The following NRXN1 variants were observed in gnomAD, a reference collection of about 807,000 sequenced individuals.
NRXN1 encodes neurexin-1.
In NRXN1, 39 loss-of-function variants were observed where a neutral mutation model predicts 150.9. That is an observed-to-expected ratio of 0.26 (90% CI 0.20 to 0.34). The LOEUF is 0.34. NRXN1 is among the 10% of genes least tolerant of loss of function. The pLI, the probability that NRXN1 is intolerant of heterozygous loss-of-function variation, is 1.00. For missense variants in NRXN1, 1,815 were observed against 1,949.9 expected (o/e 0.93, Z 1.30); for synonymous variants, 924 against 757.0 (o/e 1.22, Z -3.62).
chr2:50,156,196 G>C (rs1198250544), intron 18 of NRXN1, among the ~76,000 whole-genome samples: 1 of 151,718 alleles, frequency 6.6e-6, no homozygotes, highest in Non-Finnish European at 1.5e-5. Flanking sequence ...AAAATTAACA[G>C]TCATATAATG....
At chr2:50,396,008 A>G (rs6715879) in intron 17 of NRXN1, among the ~76,000 whole-genome samples, 2,432 of 152,282 alleles carry the variant, frequency 0.016, 64 homozygotes, top group African/African-American at 0.053. Context: ...TATCCTTACC[A>G]GTAGATTATT....
chr2:50,683,386 A>C (rs909207296), intron 5 of NRXN1, among the ~76,000 whole-genome samples: 1 of 150,984 alleles, frequency 6.6e-6, no homozygotes, highest in Admixed American at 6.6e-5. Flanking sequence ...TAATTCCAGC[A>C]CTTTGGGAGG....
chr2:50,888,344 A>G (rs1680572844), intron 5 of NRXN1, among the ~76,000 whole-genome samples: 2 of 151,632 alleles, frequency 1.3e-5, no homozygotes, highest in African/African-American at 2.4e-5. Context: ...GGTGAAATTC[A>G]GAATTTCTTC....
At position 50,497,353 on chromosome 2, in the gene NRXN1, A is replaced by C; in HGVS notation, c.2859T>G (p.Ile953Met). 1 of 1,544,146 alleles carries C rather than the reference A, an allele frequency of 6.5e-7. No homozygotes were observed. The highest frequency in any genetic ancestry group is 8.7e-7 in the Non-Finnish European group (1 of 1,145,440). ...CTCACCCTTTAACTAATTCAACCACAATAAAGTCATTTCCATCCCCACTGT... is the reference window on the plus strand; with the variant it reads ...CTCACCCTTTAACTAATTCAACCACCATAAAGTCATTTCCATCCCCACTGT... ...LYNSGDGNDF[I>M]VVELVKGYLH... The change falls in exon 14 of 23, where the codon ATT becomes ATG. Residue 953 changes from isoleucine to methionine, a missense_variant. Transcript: ENST00000401669.
intron 19 of NRXN1, among the ~76,000 whole-genome samples, chr2:50,083,419 C>T (rs1364044677): frequency 1.3e-5 from 2 of 152,172 alleles, no homozygotes; most frequent in Non-Finnish European, 2.9e-5. Context: ...AAAATGCTAA[C>T]ATGGTTGTGT....
At chr2:50,350,416 C>T (rs1043909192) in intron 17 of NRXN1, among the ~76,000 whole-genome samples, 5 of 152,086 alleles carry the variant, frequency 3.3e-5, no homozygotes, top group African/African-American at 7.2e-5. Context: ...CCTAAAATAG[C>T]GCACTTGTTT....
chr2:50,426,129 C>A (rs1040282690), intron 17 of NRXN1, among the ~76,000 whole-genome samples: 1 of 152,162 alleles, frequency 6.6e-6, no homozygotes, highest in Non-Finnish European at 1.5e-5. Flanking sequence ...ACTGACCTTG[C>A]CTTTTTGATC....
chr2:50,760,623 C>A (rs1294134502), intron 5 of NRXN1, among the ~76,000 whole-genome samples: 1 of 151,692 alleles, frequency 6.6e-6, no homozygotes, highest in Non-Finnish European at 1.5e-5. Context: ...ATTCCTATAA[C>A]CAATCATTTT....
rs537237420 is a variant in NRXN1 at position 50,958,979 on chromosome 2, G to A, written c.773-33024C>T. ...TGTGGTATCATTTTTAGATTTTGTC[G>A]TAGTGTCTTTGCTAAATTTTTCTTC... On this transcript the variant is annotated intron_variant, in intron 2 of 22. Coordinates refer to ENST00000401669, the MANE Select transcript of NRXN1 (RefSeq NM_001330078.2). 8.9e-4 allele frequency among the ~76,000 whole-genome samples: 136 copies of A among 152,038 alleles called. 2 individuals carry two copies. The Middle Eastern group carries it at 0.01, about 11-fold the overall frequency.
intron 8 of NRXN1, among the ~76,000 whole-genome samples, chr2:50,586,670 A>G (rs543589841): frequency 2.6e-5 from 4 of 152,290 alleles, no homozygotes; most frequent in African/African-American, 9.6e-5. Context: ...ATTTTCCATT[A>G]AACTCAAGCC....
chr2:50,478,431 T>A (rs567692093), intron 15 of NRXN1, among the ~76,000 whole-genome samples: 5 of 152,130 alleles, frequency 3.3e-5, no homozygotes, highest in Non-Finnish European at 7.4e-5. Flanking sequence ...GGAAATCAAA[T>A]GGGCAATTCA....
chr2:50,545,318 G>T (rs1264619084), intron 9 of NRXN1, among the ~76,000 whole-genome samples: 1 of 152,086 alleles, frequency 6.6e-6, no homozygotes, highest in Non-Finnish European at 1.5e-5. Flanking sequence ...ACAATGGAAG[G>T]TTGTAAATAT....
intron 5 of NRXN1, among the ~76,000 whole-genome samples, chr2:50,742,024 C>T (rs183642729): frequency 5.3e-4 from 80 of 151,768 alleles, no homozygotes; most frequent in Admixed American, 2.6e-3. Flanking sequence ...TAACTCACAA[C>T]CACAAAAAAT....
chr2:50,068,758 A>T (rs928883370), intron 19 of NRXN1, among the ~76,000 whole-genome samples: 4 of 152,238 alleles, frequency 2.6e-5, no homozygotes, highest in African/African-American at 7.2e-5. Flanking sequence ...GAATGTGTAC[A>T]TCACAAAAAA....
intron 18 of NRXN1, among the ~76,000 whole-genome samples, chr2:50,203,964 T>C (rs2062376533): frequency 6.6e-6 from 1 of 152,140 alleles, no homozygotes; most frequent in South Asian, 2.1e-4. Context: ...GAGAAAAATT[T>C]AACGCCAATA....
Position 51,027,819 on chromosome 2 carries a change from C to T in NRXN1, c.455G>A (p.Gly152Asp). 1.9e-6 allele frequency: 3 copies of T among 1,613,394 alleles called. No homozygotes were observed. The East Asian group carries it at 6.7e-5, about 36-fold the overall frequency. The change falls in exon 2 of 23, where the codon GGC becomes GAC. Residue 152 changes from glycine to aspartate, a missense_variant. Gly to Asp is a moderately conservative substitution (Grantham distance 94). This residue lies in a region of NRXN1 where 554 missense variants were observed against 478.8 expected (regional missense o/e 1.16). Coordinates refer to ENST00000401669, the MANE Select transcript of NRXN1 (RefSeq NM_001330078.2). The stretch of plus-strand genomic sequence containing the variant: ...CGGGGGCAGCCCCCCGACGAAAAGG[C>T]CGCTGAACACCGTCATGTCCCTGCG... ...SKRRDMTVFS[G>D]LFVGGLPPEL...
chr2:50,721,207 T>A (rs1232930844), intron 5 of NRXN1, among the ~76,000 whole-genome samples: 1 of 152,056 alleles, frequency 6.6e-6, no homozygotes, highest in African/African-American at 2.4e-5. Flanking sequence ...AAATTCCCAA[T>A]CACAGAGCAG....
intron 5 of NRXN1, among the ~76,000 whole-genome samples, chr2:50,661,885 T>C (rs1325983791): frequency 6.6e-6 from 1 of 152,040 alleles, no homozygotes; most frequent in African/African-American, 2.4e-5. Context: ...ATTCATGAAG[T>C]GCTTCCTGAA....
At chr2:50,428,812 A>G (rs1389127151) in intron 17 of NRXN1, among the ~76,000 whole-genome samples, 2 of 152,216 alleles carry the variant, frequency 1.3e-5, no homozygotes, top group African/African-American at 4.8e-5. Context: ...CAAAAATCCA[A>G]TGAGAAAGGT....
Sources: allele counts gnomAD v4.1 joint callset (sites outside exome capture counted in the v4.1 genomes callset), GRCh38; gene constraint gnomAD v4.1.1; regional missense constraint gnomAD v4.1.1; transcripts MANE v1.5; gene names NCBI Gene and HGNC (gene_info 2026-07-23, HGNC 2026-07-21).